NRXN1: variants seen among roughly 807,000 people sequenced by gnomAD.
NRXN1 encodes neurexin 1.
NRXN1 carries 39 observed loss-of-function variants against 150.9 expected under a neutral mutation model. That is an observed-to-expected ratio of 0.26 (90% CI 0.20 to 0.34). NRXN1 has a LOEUF of 0.34. Ranked by LOEUF, NRXN1 falls within the 10% of genes least tolerant of loss-of-function variation. NRXN1 has a pLI of 1.00. For missense variants in NRXN1, 1,815 were observed against 1,949.9 expected (o/e 0.93, Z 1.30); for synonymous variants, 924 against 757.0 (o/e 1.22, Z -3.62).
At chr2:50,782,588 A>G (rs1220629669) in intron 5 of NRXN1, among the ~76,000 whole-genome samples, 1 of 152,174 alleles carries the variant, frequency 6.6e-6, no homozygotes, top group Non-Finnish European at 1.5e-5. Flanking sequence ...CAAAGAACCC[A>G]AAAATAAGAA....
At chr2:50,929,454 T>C (rs1574959649) in intron 2 of NRXN1, among the ~76,000 whole-genome samples, 1 of 152,068 alleles carries the variant, frequency 6.6e-6, no homozygotes, top group African/African-American at 2.4e-5. Context: ...CTGATATCAC[T>C]TGGGCATTCC....
intron 9 of NRXN1, among the ~76,000 whole-genome samples, chr2:50,548,547 T>G (rs918959275): frequency 6.6e-6 from 1 of 152,140 alleles, no homozygotes; most frequent in Non-Finnish European, 1.5e-5. Flanking sequence ...TTTTATTTTT[T>G]TTTAGAGTAT....
At chr2:50,860,462 A>C (rs1675969253) in intron 5 of NRXN1, among the ~76,000 whole-genome samples, 1 of 152,094 alleles carries the variant, frequency 6.6e-6, no homozygotes, top group African/African-American at 2.4e-5. Flanking sequence ...GACATGTGGA[A>C]GGGTTGGGGT....
In NRXN1 at chr2:50,569,609, T is replaced by C. The variant is rs927533824; in HGVS notation, c.1321-16584A>G. Reference sequence around the variant, plus strand: ...TTGAAATAACCTTGAGAGTCACTCATACTAACTTAAGAACTGCAATCCATC... The same window carrying C: ...TTGAAATAACCTTGAGAGTCACTCACACTAACTTAAGAACTGCAATCCATC... On this transcript the variant is annotated intron_variant, in intron 8 of 22. Coordinates refer to ENST00000401669, the MANE Select transcript of NRXN1 (RefSeq NM_001330078.2). 3.0e-4 allele frequency among the ~76,000 whole-genome samples: 45 copies of C among 152,220 alleles called. 1 individual carries two copies. Among genetic ancestry groups the C allele is most frequent in the Middle Eastern group, 6.8e-3 (2 of 294 alleles).
intron 17 of NRXN1, among the ~76,000 whole-genome samples, chr2:50,259,899 A>T (rs898655286): frequency 6.6e-6 from 1 of 151,792 alleles, no homozygotes; most frequent in African/African-American, 2.4e-5. Flanking sequence ...GTGGTTTATC[A>T]TTTGTGGTGC....
At chr2:50,117,041 T>A (rs1170538772) in intron 18 of NRXN1, among the ~76,000 whole-genome samples, 1 of 152,090 alleles carries the variant, frequency 6.6e-6, no homozygotes, top group Non-Finnish European at 1.5e-5. Context: ...TGTGCACATG[T>A]GTTTAATGTG....
At chr2:50,899,679 A>G (rs946175817) in intron 5 of NRXN1, among the ~76,000 whole-genome samples, 1 of 152,206 alleles carries the variant, frequency 6.6e-6, no homozygotes, top group Non-Finnish European at 1.5e-5. Context: ...GAAAGTCTGT[A>G]GAAAGACAAG....
chr2:50,600,963 G>A (rs1032444882), intron 8 of NRXN1, among the ~76,000 whole-genome samples: 1 of 151,842 alleles, frequency 6.6e-6, no homozygotes, highest in Admixed American at 6.6e-5. Flanking sequence ...AATGAAAAAA[G>A]AAGTATTGGG....
At chr2:50,286,834 A>G (rs201961457) in intron 17 of NRXN1, among the ~76,000 whole-genome samples, 1 of 152,150 alleles carries the variant, frequency 6.6e-6, no homozygotes, top group East Asian at 1.9e-4. Context: ...TTTGCAATTA[A>G]GTGTTCTTTT....
chr2:50,378,250 C>A (rs2080675131), intron 17 of NRXN1, among the ~76,000 whole-genome samples: 1 of 152,114 alleles, frequency 6.6e-6, no homozygotes, highest in African/African-American at 2.4e-5. Flanking sequence ...CATAGCAACT[C>A]CATGAGAATT....
intron 2 of NRXN1, among the ~76,000 whole-genome samples, chr2:51,006,942 G>A: frequency 6.6e-6 from 1 of 151,794 alleles, no homozygotes; most frequent in East Asian, 1.9e-4. Flanking sequence ...TCTGTATCGT[G>A]GCTGACCTTC....
chr2:49,963,390 A>G (rs1305511686), intron 21 of NRXN1, among the ~76,000 whole-genome samples: 1 of 152,210 alleles, frequency 6.6e-6, no homozygotes, highest in African/African-American at 2.4e-5. Context: ...AAGAGGCAAA[A>G]CAAACAGGAA....
At chr2:50,225,937 G>A (rs889293793) in intron 18 of NRXN1, among the ~76,000 whole-genome samples, 1 of 152,000 alleles carries the variant, frequency 6.6e-6, no homozygotes, top group African/African-American at 2.4e-5. Flanking sequence ...CATAATTTAT[G>A]TGATATGTGG....
intron 8 of NRXN1, among the ~76,000 whole-genome samples, chr2:50,557,314 T>C (rs1482548056): frequency 6.6e-6 from 1 of 152,206 alleles, no homozygotes; most frequent in Non-Finnish European, 1.5e-5. Flanking sequence ...TTAAGACTTT[T>C]CATTACTTAA....
intron 2 of NRXN1, among the ~76,000 whole-genome samples, chr2:50,936,787 T>A (rs1273648593): frequency 3.3e-5 from 5 of 152,098 alleles, no homozygotes; most frequent in Admixed American, 2.0e-4. Context: ...TAACTTTAAA[T>A]AGGCCTAATA....
intron 17 of NRXN1, among the ~76,000 whole-genome samples, chr2:50,458,846 C>T (rs2087866710): frequency 6.6e-6 from 1 of 152,076 alleles, no homozygotes; most frequent in Non-Finnish European, 1.5e-5. Flanking sequence ...TCCCAAAGTG[C>T]TGGGATTACA....
intron 5 of NRXN1, among the ~76,000 whole-genome samples, chr2:50,880,157 T>A (rs1190119935): frequency 6.6e-6 from 1 of 151,740 alleles, no homozygotes; most frequent in Non-Finnish European, 1.5e-5. Context: ...AGAAGCTGGG[T>A]TTTTTCCCTG....
chr2:50,087,568 A>C (rs1698966174), intron 19 of NRXN1, among the ~76,000 whole-genome samples: 1 of 152,170 alleles, frequency 6.6e-6, no homozygotes, highest in Admixed American at 6.5e-5. Context: ...TCAGAGATTA[A>C]TGATGCATTA....
intron 17 of NRXN1, among the ~76,000 whole-genome samples, chr2:50,448,731 T>C (rs2086693723): frequency 6.6e-6 from 1 of 152,012 alleles, no homozygotes; most frequent in African/African-American, 2.4e-5. Flanking sequence ...AGCACCGGAG[T>C]GGATTATTAC....
Sources: allele counts gnomAD v4.1 joint callset (sites outside exome capture counted in the v4.1 genomes callset), GRCh38; gene constraint gnomAD v4.1.1; transcripts MANE v1.5; gene names NCBI Gene and HGNC (gene_info 2026-07-23, HGNC 2026-07-21).